Variants in KCTD19 observed in about 807,000 individuals in gnomAD.
KCTD19 encodes BTB/POZ domain-containing protein KCTD19.
KCTD19 carries 67 observed loss-of-function variants against 103.5 expected under a neutral mutation model. That is an observed-to-expected ratio of 0.65 (90% CI 0.53 to 0.79). KCTD19 has a LOEUF of 0.79. Among genes scored for constraint, KCTD19 ranks in the 30% least tolerant of loss-of-function variants. The pLI, the probability that KCTD19 is intolerant of heterozygous loss-of-function variation, is 0.00. For synonymous variants in KCTD19, 439 were observed against 452.2 expected, an observed-to-expected ratio of 0.97 and a Z score of 0.37; for missense variants, 980 against 1,136.1, an observed-to-expected ratio of 0.86 and a Z score of 1.98.
At chr16:67,322,238 C>T (rs1341041478) in intron 1 of KCTD19, among the ~76,000 whole-genome samples, 1 of 151,886 alleles carries the variant, frequency 6.6e-6, no homozygotes, top group African/African-American at 2.4e-5. Context: ...AAGTTGGACC[C>T]CTACCTCAAC....
chr16:67,308,137 CCCAT>C (rs1042391527), intron 2 of KCTD19, among the ~76,000 whole-genome samples: 27 of 150,856 alleles, frequency 1.8e-4, no homozygotes, highest in African/African-American at 6.6e-4. Flanking sequence ...CTCCCTCCCT[CCCAT>C]CCTCCCTCCT....
At chr16:67,315,276 C>G (rs1056377417) in intron 2 of KCTD19, among the ~76,000 whole-genome samples, 2 of 151,838 alleles carry the variant, frequency 1.3e-5, no homozygotes, top group African/African-American at 4.8e-5. Flanking sequence ...CAACGAGCCA[C>G]TATAACCTCA....
Position 67,293,689 on chromosome 16 carries a change from T to C in KCTD19, c.2073A>G (p.Thr691=). ...GTGGTCCTGGATCCTTCTCTGAGGC[T>C]GTGGAATGGGCTTTCCAGGCAGCTG... ...STSAAWKAHS[T]ASEKDPGPQA... The change falls in exon 12 of 16, where the codon ACA becomes ACG. Residue 691 remains threonine (T), a synonymous_variant. Coordinates refer to ENST00000304372, the MANE Select transcript of KCTD19 (RefSeq NM_001100915.3). The surrounding 1 kb of genome is among the most constrained non-coding windows in gnomAD (Gnocchi z 4.0). The C allele has an allele frequency of 1.2e-6, 2 of 1,614,036 alleles. No individual in the cohort carries two copies. The highest frequency in any genetic ancestry group is 1.7e-6 in the Non-Finnish European group (2 of 1,180,010).
At chr16:67,313,042 T>C (rs1485029761) in intron 2 of KCTD19, among the ~76,000 whole-genome samples, 1 of 152,132 alleles carries the variant, frequency 6.6e-6, no homozygotes, top group Admixed American at 6.5e-5. Flanking sequence ...AGAGCAGCCA[T>C]AGACAACACA....
intron 2 of KCTD19, among the ~76,000 whole-genome samples, chr16:67,308,602 G>T (rs1392949766): frequency 6.6e-6 from 1 of 152,014 alleles, no homozygotes; most frequent in African/African-American, 2.4e-5. Flanking sequence ...TGTTCCATCT[G>T]CCCAGAATAC....
In KCTD19 at chr16:67,303,036, A is replaced by G. The variant is rs1028411806; in HGVS notation, c.643+110T>C. On this transcript the variant is annotated intron_variant, in intron 4 of 15. Transcript: ENST00000304372. The surrounding 1 kb of genome is among the most constrained non-coding windows in gnomAD (Gnocchi z 4.3). ...TGCTTCCGCTACCTCTGCCCAGGGA[A>G]GCTCCTGAGGCCCTGAGCACCAAGC... The G allele has an allele frequency of 1.0e-5, 10 of 1,002,662 alleles. No homozygotes were observed. The African/African-American group carries it at 1.6e-4, about 16-fold the overall frequency. 62.1% of individuals were successfully genotyped at this position (1,002,662 alleles called of 1,614,324 possible).
intron 2 of KCTD19, among the ~76,000 whole-genome samples, chr16:67,312,872 T>G (rs1440111067): frequency 1.3e-5 from 2 of 152,210 alleles, no homozygotes; most frequent in Middle Eastern, 3.2e-3. Flanking sequence ...CAGGAGCCTC[T>G]TAACTGGTCT....
Position 67,291,745 on chromosome 16 carries a change from T to G in KCTD19, c.2311A>C (p.Ser771Arg). 5 of 1,614,086 alleles carry G rather than the reference T, an allele frequency of 3.1e-6. No individual in the cohort carries two copies. The highest frequency in any genetic ancestry group is 4.2e-6 in the Non-Finnish European group (5 of 1,179,988). ...LKVTHPPVVG[S>R]DGFCMFFEDS... ...TCAAAGAACATGCAGAAGCCATCGCTGCCCACCACGGGGGGGTGAGTCACT... is the reference window on the plus strand; with the variant it reads ...TCAAAGAACATGCAGAAGCCATCGCGGCCCACCACGGGGGGGTGAGTCACT... The change falls in exon 13 of 16, where the codon AGC becomes CGC. Residue 771 changes from serine (S) to arginine (R), a missense_variant. Coordinates refer to ENST00000304372, the MANE Select transcript of KCTD19 (RefSeq NM_001100915.3).
In KCTD19 at chr16:67,303,118, C is replaced by T. The variant is rs2036853654; in HGVS notation, c.643+28G>A. 1.3e-5 allele frequency: 6 copies of T among 479,074 alleles called. No individual in the cohort carries two copies. Among genetic ancestry groups the T allele is most frequent in the Non-Finnish European group, 2.4e-5 (6 of 254,904 alleles). 29.7% of individuals were successfully genotyped at this position (479,074 alleles called of 1,614,324 possible). A position where few individuals can be genotyped will look rare whatever the true frequency, so the allele number is the denominator to read the frequency against. On this transcript the variant is annotated intron_variant, in intron 4 of 15. Transcript: ENST00000304372. The surrounding 1 kb of genome is among the most constrained non-coding windows in gnomAD (Gnocchi z 4.3). ...GTGAATGGGCCCTATCAGCCCGCCCCCCACCCCACCCCGGACAGAGCAATC... is the reference window on the plus strand; with the variant it reads ...GTGAATGGGCCCTATCAGCCCGCCCTCCACCCCACCCCGGACAGAGCAATC...
At position 67,299,456 on chromosome 16, in the gene KCTD19, G is replaced by A. The variant is rs753673167; in HGVS notation, c.893C>T (p.Pro298Leu). The A allele has an allele frequency of 1.2e-5, 19 of 1,614,102 alleles. No homozygotes were observed. The highest frequency in any genetic ancestry group is 5.0e-5 in the Admixed American group (3 of 60,008). ...TMALGLLVKY[P>L]DSALGQLRIE... is the part of the protein sequence containing the mutation. Reference sequence around the variant, plus strand: ...GCGAAGCTGGCCCAGCGCAGAGTCCGGGTACTTGACCAGCAGACCCAGGGC... The same window carrying A: ...GCGAAGCTGGCCCAGCGCAGAGTCCAGGTACTTGACCAGCAGACCCAGGGC... Residue 298 changes from proline (P) to leucine (L), a missense_variant, in exon 6 of 16, where the codon CCG (proline) becomes CTG (leucine). Coordinates refer to ENST00000304372, the MANE Select transcript of KCTD19 (RefSeq NM_001100915.3).
At chr16:67,296,674 C>T (rs2036768624) in intron 7 of KCTD19, among the ~76,000 whole-genome samples, 1 of 152,170 alleles carries the variant, frequency 6.6e-6, no homozygotes, top group African/African-American at 2.4e-5. Flanking sequence ...CATCAAATCC[C>T]TGTCACTTTT....
chr16:67,302,080 G>A, intron 4 of KCTD19, 158 bp from the exon 5 acceptor site: 1 of 654,518 alleles, frequency 1.5e-6, no homozygotes, highest in Non-Finnish European at 2.6e-6. Context: ...CTTTGAGTGT[G>A]TGGTTTTCAA....
In KCTD19 at chr16:67,297,599, C is replaced by CA. The variant is rs756358449; in HGVS notation, c.1050dup (p.Ala351CysfsTer34). 1 of 1,613,976 alleles carries CA rather than the reference C, an allele frequency of 6.2e-7. No individual in the cohort carries two copies. Among genetic ancestry groups the CA allele is most frequent in the Non-Finnish European group, 8.5e-7 (1 of 1,180,022 alleles). ...GTGATGTCCCTTTTGTCTAGGAAGG[C>CA]ACAGAGCTCATATACCTCGGAAATG... On this transcript the variant is annotated frameshift_variant, in exon 7 of 16. Coordinates refer to ENST00000304372, the MANE Select transcript of KCTD19 (RefSeq NM_001100915.3). LOFTEE classifies it high-confidence loss of function.
intron 5 of KCTD19, 82 bp downstream of exon 5, chr16:67,301,709 T>G: frequency 9.2e-6 from 12 of 1,309,758 alleles, no homozygotes; most frequent in Non-Finnish European, 1.2e-5. Flanking sequence ...CCCGAAGTGA[T>G]TGTGGGAGGG....
At chr16:67,295,488 T>C in intron 8 of KCTD19, 83 bp from the exon 9 acceptor site, 1 of 1,316,520 alleles carries the variant, frequency 7.6e-7, no homozygotes, top group Non-Finnish European at 1.1e-6. Context: ...ACTCCCCTTT[T>C]CCAACTACAC....
rs959746415 is a variant in KCTD19, at chr16:67,307,400, G to A, written c.301-2829C>T. On this transcript the variant is annotated intron_variant, in intron 2 of 15. Coordinates refer to ENST00000304372, the MANE Select transcript of KCTD19 (RefSeq NM_001100915.3). ...CCAATCTTGACTTACTGCAACCTCC[G>A]CCTCCCAGGCTCAGGTGATCCTCCC... Among the ~76,000 whole-genome samples, 39 of 149,896 alleles carry A rather than the reference G, an allele frequency of 2.6e-4. 1 individual carries two copies. The highest frequency in any genetic ancestry group is 1.3e-3 in the Admixed American group (19 of 15,040).
intron 2 of KCTD19, among the ~76,000 whole-genome samples, chr16:67,318,207 A>T (rs1450499874): frequency 1.3e-5 from 2 of 152,190 alleles, no homozygotes; most frequent in African/African-American, 2.4e-5. Flanking sequence ...TACTCCTCAC[A>T]CAATGTGGAA....
intron 2 of KCTD19, among the ~76,000 whole-genome samples, chr16:67,308,674 C>G (rs542553397): frequency 5.1e-5 from 7 of 137,038 alleles, no homozygotes; most frequent in South Asian, 2.2e-4. Context: ...GTCATCCCCC[C>G]ACTTTGTTCC....
At chr16:67,324,375 A>T (rs573361191) in intron 1 of KCTD19, among the ~76,000 whole-genome samples, 1 of 152,358 alleles carries the variant, frequency 6.6e-6, no homozygotes, top group East Asian at 1.9e-4. Context: ...TCGAATTCTA[A>T]TTAAAAATTA....
Sources: allele counts gnomAD v4.1 joint callset (sites outside exome capture counted in the v4.1 genomes callset), GRCh38; gene constraint gnomAD v4.1.1; non-coding constraint Gnocchi (gnomAD v3.1); transcripts MANE v1.5; gene names NCBI Gene and HGNC (gene_info 2026-07-23, HGNC 2026-07-21).